Variants in LGALS3BP observed in about 807,000 individuals in gnomAD.
The protein encoded by LGALS3BP is galectin 3 binding protein.
A neutral mutation model predicts 22.9 loss-of-function variants in LGALS3BP; 25 were observed. The ratio of observed to expected loss-of-function variants is 1.09; its 90% CI spans 0.80 to 1.53. The LOEUF (loss-of-function observed/expected upper bound fraction) is 1.53. Among genes scored for constraint, LGALS3BP ranks in the 40% most tolerant of loss-of-function variants. The probability of loss-of-function intolerance (pLI) is 0.00; values close to 1 mark genes in which losing one functional copy is unlikely to be tolerated. For synonymous variants in LGALS3BP, 335 were observed against 331.1 expected (o/e 1.01, Z -0.13); for missense variants, 718 against 752.0 (o/e 0.95, Z 0.53).
intron 1 of LGALS3BP, 31 bp from the exon 2 acceptor site, chr17:78,977,245 A>G: frequency 1.3e-6 from 2 of 1,586,968 alleles, no homozygotes; most frequent in Non-Finnish European, 8.6e-7. Flanking sequence ...GGGGTGAGGC[A>G]CGGGAGCCAG....
In LGALS3BP at chr17:78,972,852, G is replaced by A. The variant is rs184863689; in HGVS notation, c.629+118C>T. 2.6e-4 allele frequency: 366 copies of A among 1,427,274 alleles called. 3 individuals carry two copies. The highest frequency in any genetic ancestry group is 1.2e-3 in the South Asian group (90 of 74,774). 88.4% of individuals were successfully genotyped at this position (1,427,274 alleles called of 1,614,324 possible). Reference sequence around the variant, plus strand: ...ACTGCGTGAGTGCATGTGTGACTGCGTGTGTACATGTGCATGCATGAGTAT... The same window carrying A: ...ACTGCGTGAGTGCATGTGTGACTGCATGTGTACATGTGCATGCATGAGTAT... On this transcript the variant is annotated intron_variant, in intron 5 of 5. Transcript: ENST00000262776. The surrounding 1 kb of genome is among the most constrained non-coding windows in gnomAD (Gnocchi z 5.1).
In LGALS3BP at chr17:78,976,942, C is replaced by G; in HGVS notation, c.52+198G>C. The stretch of plus-strand genomic sequence containing the variant: ...TGTCCTCTCTATAACCTGCATCTCA[C>G]CTGAACCCAGGTGAGCCCCCGGGAA... On this transcript the variant is annotated intron_variant, in intron 2 of 5. Coordinates refer to ENST00000262776, the MANE Select transcript of LGALS3BP (RefSeq NM_005567.4). The surrounding 1 kb of genome is among the most constrained non-coding windows in gnomAD (Gnocchi z 4.6). The G allele has an allele frequency of 1.6e-6, 1 of 621,650 alleles. No homozygotes were observed. Among genetic ancestry groups the G allele is most frequent in the South Asian group, 1.8e-5 (1 of 54,136 alleles). 38.5% of individuals were successfully genotyped at this position (621,650 alleles called of 1,614,324 possible). A position where few individuals can be genotyped will look rare whatever the true frequency, so the allele number is the denominator to read the frequency against.
rs1043789884 is a variant in LGALS3BP, at chr17:78,972,998, A to G, written c.601T>C (p.Cys201Arg). The G allele has an allele frequency of 6.2e-7, 1 of 1,611,668 alleles. No individual in the cohort carries two copies. The highest frequency in any genetic ancestry group is 1.3e-5 in the African/African-American group (1 of 74,990). ...AGAAGGTCCCTGACCATGGGCACAC[A>G]CTCAGCATCCACACTCATGGTGACA... ...SNVTMSVDAE[C>R]VPMVRDLLRY... Residue 201 changes from cysteine (C) to arginine (R), a missense_variant, in exon 5 of 6, where the codon TGT becomes CGT. Coordinates refer to ENST00000262776, the MANE Select transcript of LGALS3BP (RefSeq NM_005567.4). This position sits in a 1 kb window ranked among gnomAD's most constrained non-coding sequence, Gnocchi z 5.1.
At chr17:78,979,157 A>G (rs78875511) in intron 1 of LGALS3BP, among the ~76,000 whole-genome samples, 20,052 of 152,072 alleles carry the variant, frequency 0.13, 1,731 homozygotes, top group East Asian at 0.31. Flanking sequence ...TCCTTCATAC[A>G]GTTGAGACCC....
Position 78,971,919 on chromosome 17 carries a change from T to A in LGALS3BP, c.1415A>T (p.Gln472Leu), listed in dbSNP as rs1202183562. ...QTPQHPSFLFQDKRVSWSLVY... is the reference protein window; with the variant it reads ...QTPQHPSFLFLDKRVSWSLVY... ...CAGGGACCAGGACACCCTCTTGTCC[T>A]GGAAGAGGAAGCTGGGGTGTTGTGG... The change falls in exon 6 of 6, where the codon CAG (glutamine) becomes CTG (leucine). Residue 472 changes from glutamine (Q) to leucine (L), a missense_variant. Coordinates refer to ENST00000262776, the MANE Select transcript of LGALS3BP (RefSeq NM_005567.4). This position sits in a 1 kb window ranked among gnomAD's most constrained non-coding sequence, Gnocchi z 5.6. 6.2e-7 allele frequency: 1 copy of A among 1,614,056 alleles called. No homozygotes were observed. Among genetic ancestry groups the A allele is most frequent in the Admixed American group, 1.7e-5 (1 of 60,020 alleles).
At position 78,976,136 on chromosome 17, in the gene LGALS3BP, G is replaced by T; in HGVS notation, c.73C>A (p.Arg25=). 3 of 1,586,710 alleles carry T rather than the reference G, an allele frequency of 1.9e-6. No individual in the cohort carries two copies. Among genetic ancestry groups the T allele is most frequent in the Non-Finnish European group, 2.6e-6 (3 of 1,167,214 alleles). Residue 25 remains arginine (R), a synonymous_variant, in exon 3 of 6, where the codon CGG becomes AGG. Transcript: ENST00000262776. The surrounding 1 kb of genome is among the most constrained non-coding windows in gnomAD (Gnocchi z 4.6). ...TTGGTGGCGCCCCCATCGGCCAGCCGCATGTCACCATCGTTCACGCCTGCA... is the reference window on the plus strand; with the variant it reads ...TTGGTGGCGCCCCCATCGGCCAGCCTCATGTCACCATCGTTCACGCCTGCA... ...GTQGVNDGDM[R]LADGGATNQG... is the part of the protein sequence containing the mutation.
At chr17:78,977,988 A>G (rs979339638) in intron 1 of LGALS3BP, among the ~76,000 whole-genome samples, 10 of 152,110 alleles carry the variant, frequency 6.6e-5, no homozygotes, top group African/African-American at 2.4e-4. Context: ...TGTAATTTCC[A>G]CGCTTTTGTC....
In LGALS3BP at chr17:78,973,124, C is replaced by T. The variant is rs140337664; in HGVS notation, c.475G>A (p.Val159Met). The change falls in exon 5 of 6, where the codon GTG becomes ATG. Residue 159 changes from valine (V) to methionine (M), a missense_variant. Transcript: ENST00000262776. This position sits in a 1 kb window ranked among gnomAD's most constrained non-coding sequence, Gnocchi z 5.8. ...AGGGCGTCCTCGCCCTGCACATTCA[C>T]GCTGATGGACAGGTCGCAGCCCCGC... ...SQRGCDLSIS[V>M]NVQGEDALGF... The T allele has an allele frequency of 1.9e-5, 31 of 1,613,150 alleles. No homozygotes were observed. In the South Asian group the frequency reaches 2.2e-4, roughly 11 times the overall value.
intron 4 of LGALS3BP, among the ~76,000 whole-genome samples, chr17:78,974,438 C>T (rs908507773): frequency 3.9e-5 from 6 of 152,222 alleles, no homozygotes; most frequent in African/African-American, 7.2e-5. Context: ...GCCCCACACT[C>T]GGGTTCTGCA....
chr17:78,977,674 C>G (rs2070732984), intron 1 of LGALS3BP, among the ~76,000 whole-genome samples: 1 of 152,148 alleles, frequency 6.6e-6, no homozygotes, highest in Admixed American at 6.5e-5. Flanking sequence ...CAGGGACTGT[C>G]CCAGAGGGTC....
chr17:78,971,769 G>A lies in LGALS3BP; in HGVS notation c.1565C>T (p.Ala522Val). ...GAAGAGCCCTTCGCAGAGCATCAGGGCTTTGTTTTCGTAGGCAATGGTGCG... is the reference window on the plus strand; with the variant it reads ...GAAGAGCCCTTCGCAGAGCATCAGGACTTTGTTTTCGTAGGCAATGGTGCG... ...SDRTIAYENK[A>V]LMLCEGLFVA... Residue 522 changes from alanine (A) to valine (V), a missense_variant, in exon 6 of 6, where the codon GCC becomes GTC. Physicochemically the swap from Ala to Val is moderately conservative, Grantham distance 64. Transcript: ENST00000262776. This position sits in a 1 kb window ranked among gnomAD's most constrained non-coding sequence, Gnocchi z 5.6. 1 of 1,614,086 alleles carries A rather than the reference G, an allele frequency of 6.2e-7. No homozygotes were observed. Among genetic ancestry groups the A allele is most frequent in the Non-Finnish European group, 8.5e-7 (1 of 1,180,038 alleles).
At position 78,972,675 on chromosome 17, in the gene LGALS3BP, G is replaced by T; in HGVS notation, c.659C>A (p.Thr220Asn). Residue 220 changes from threonine (T) to asparagine (N), a missense_variant, in exon 6 of 6, where the codon ACC (threonine) becomes AAC (asparagine). Coordinates refer to ENST00000262776, the MANE Select transcript of LGALS3BP (RefSeq NM_005567.4). The surrounding 1 kb of genome is among the most constrained non-coding windows in gnomAD (Gnocchi z 5.1). ...GTGGAAGCACTTGACTGACGACAGG[G>T]TGATGTCAATCCTTCGGGAGTAGAA... is the stretch of plus-strand genomic sequence containing the variant. ...RYFYSRRIDI[T>N]LSSVKCFHKL... 2 of 1,521,780 alleles carry T rather than the reference G, an allele frequency of 1.3e-6. No homozygotes were observed. Among genetic ancestry groups the T allele is most frequent in the South Asian group, 2.6e-5 (2 of 76,268 alleles). The allele number at this position is 1,521,780 out of a possible 1,614,324, so 94.3% of individuals were successfully genotyped here.
intron 3 of LGALS3BP, among the ~76,000 whole-genome samples, chr17:78,975,564 C>T (rs756613638): frequency 5.4e-4 from 82 of 152,000 alleles, no homozygotes; most frequent in South Asian, 1.0e-3. Flanking sequence ...CTGAGGCGGG[C>T]GGATCACTTG....
At chr17:78,977,019 A>T (rs2070726330) in intron 2 of LGALS3BP, 121 bp downstream of exon 2, 2 of 988,100 alleles carry the variant, frequency 2.0e-6, no homozygotes, top group Admixed American at 2.0e-5. Context: ...AGGAGAGAAG[A>T]TCTGGCTAAC....
chr17:78,971,917 C>A lies in LGALS3BP; in HGVS notation c.1417G>T (p.Asp473Tyr). The A allele has an allele frequency of 3.1e-6, 5 of 1,613,990 alleles. No homozygotes were observed. Among genetic ancestry groups the A allele is most frequent in the Non-Finnish European group, 4.2e-6 (5 of 1,179,994 alleles). ...TPQHPSFLFQ[D>Y]KRVSWSLVYL... is the part of the protein sequence containing the mutation. ...ACCAGGGACCAGGACACCCTCTTGT[C>A]CTGGAAGAGGAAGCTGGGGTGTTGT... Residue 473 changes from aspartate to tyrosine, a missense_variant, in exon 6 of 6, where the codon GAC becomes TAC. Asp to Tyr is a radical substitution (Grantham distance 160). Coordinates refer to ENST00000262776, the MANE Select transcript of LGALS3BP (RefSeq NM_005567.4). This position sits in a 1 kb window ranked among gnomAD's most constrained non-coding sequence, Gnocchi z 5.6.
At chr17:78,979,333 G>A (rs1260520960) in intron 1 of LGALS3BP, 2 of 152,330 alleles carry the variant, frequency 1.3e-5, no homozygotes, top group African/African-American at 4.8e-5. Context: ...CTGCCCAACT[G>A]TACACAGAGG....
intron 3 of LGALS3BP, chr17:78,975,118 C>G (rs999089993): frequency 5.2e-6 from 2 of 386,180 alleles, no homozygotes; most frequent in Non-Finnish European, 9.6e-6. Context: ...AATTGTGTGA[C>G]TATCCCTGCA....
Position 78,971,609 on chromosome 17 carries a change from G to A in LGALS3BP, c.1725C>T (p.Pro575=). 6.2e-7 allele frequency: 1 copy of A among 1,613,686 alleles called. No individual in the cohort carries two copies. The highest frequency in any genetic ancestry group is 8.5e-7 in the Non-Finnish European group (1 of 1,180,012). The stretch of plus-strand genomic sequence containing the variant: ...CACCTGAGGAGTTGGTCAGGTAGAA[G>A]GGGCGGATGACCGTGCGGAAGCCGT... The part of the protein sequence containing the change: ...HFNGFRTVIR[P]FYLTNSSGVD Residue 575 remains proline, a synonymous_variant, in exon 6 of 6, where the codon CCC becomes CCT. Transcript: ENST00000262776. This position sits in a 1 kb window ranked among gnomAD's most constrained non-coding sequence, Gnocchi z 5.6.
At position 78,972,862 on chromosome 17, in the gene LGALS3BP, G is replaced by T; in HGVS notation, c.629+108C>A. ...TGCATGTGTGACTGCGTGTGTACATGTGCATGCATGAGTATGTGCAGGTGT... is the reference window on the plus strand; with the variant it reads ...TGCATGTGTGACTGCGTGTGTACATTTGCATGCATGAGTATGTGCAGGTGT... On this transcript the variant is annotated intron_variant, in intron 5 of 5. Coordinates refer to ENST00000262776, the MANE Select transcript of LGALS3BP (RefSeq NM_005567.4). The surrounding 1 kb of genome is among the most constrained non-coding windows in gnomAD (Gnocchi z 5.1). 6.9e-7 allele frequency: 1 copy of T among 1,453,296 alleles called. No individual in the cohort carries two copies. The highest frequency in any genetic ancestry group is 1.4e-5 in the African/African-American group (1 of 71,098). The allele number at this position is 1,453,296 out of a possible 1,614,324, so 90.0% of individuals were successfully genotyped here. A position where few individuals can be genotyped will look rare whatever the true frequency, so the allele number is the denominator to read the frequency against.
Sources: gnomAD v4.1 joint callset for allele counts (sites outside exome capture counted in the v4.1 genomes callset) on GRCh38, gnomAD v4.1.1 for gene constraint, Gnocchi (gnomAD v3.1) non-coding constraint, MANE v1.5 for transcripts, NCBI Gene and HGNC (gene_info 2026-07-23, HGNC 2026-07-21) for gene names.